KCNIP3: variants seen among roughly 807,000 people sequenced by gnomAD.
KCNIP3 encodes the protein potassium voltage-gated channel interacting protein 3, also known as calsenilin.
A neutral mutation model predicts 35.0 loss-of-function variants in KCNIP3; 28 were observed. The observed-to-expected ratio is 0.80, with a 90% CI of 0.59 to 1.10. The LOEUF is 1.10. KCNIP3 is among the 50% of genes least tolerant of loss of function. KCNIP3 has a pLI of 0.00. For missense variants in KCNIP3, 295 were observed against 338.4 expected (o/e 0.87, Z 1.01); for synonymous variants, 134 against 133.8 (o/e 1.00, Z -0.01).
intron 2 of KCNIP3, among the ~76,000 whole-genome samples, chr2:95,323,109 G>C (rs539862261): frequency 6.6e-6 from 1 of 152,340 alleles, no homozygotes; most frequent in Admixed American, 6.5e-5. Context: ...GGGTGAACAG[G>C]AACACTATGG....
chr2:95,338,359 C>T (rs141253297), intron 2 of KCNIP3, among the ~76,000 whole-genome samples: 23 of 152,280 alleles, frequency 1.5e-4, no homozygotes, highest in African/African-American at 4.8e-4. Flanking sequence ...GAAATCCAGA[C>T]GTTTAGCTTG....
intron 2 of KCNIP3, among the ~76,000 whole-genome samples, chr2:95,319,033 C>A (rs371078367): frequency 1.3e-5 from 2 of 152,238 alleles, no homozygotes; most frequent in Admixed American, 6.5e-5. Flanking sequence ...CCAATCTTGT[C>A]CCTGCCCTGT....
chr2:95,326,633 CTT>C (rs1378579314), intron 2 of KCNIP3, among the ~76,000 whole-genome samples: 1 of 152,240 alleles, frequency 6.6e-6, no homozygotes, highest in Non-Finnish European at 1.5e-5. Context: ...GCTCTTGACT[CTT>C]TTCCTTGTTC....
At chr2:95,326,623 G>A (rs1404253271) in intron 2 of KCNIP3, among the ~76,000 whole-genome samples, 1 of 152,214 alleles carries the variant, frequency 6.6e-6, no homozygotes, top group Non-Finnish European at 1.5e-5. Flanking sequence ...GGTGGGGGTT[G>A]CTCTTGACTC....
At chr2:95,345,055 C>T (rs1254349118) in intron 2 of KCNIP3, among the ~76,000 whole-genome samples, 4 of 152,242 alleles carry the variant, frequency 2.6e-5, no homozygotes, top group Non-Finnish European at 4.4e-5. Flanking sequence ...TGCCTTTGGT[C>T]AGTGGAGAAT....
At chr2:95,383,150 C>CCAA in intron 7 of KCNIP3, 82 bp from the exon 8 acceptor site, 1 of 1,099,152 alleles carries the variant, frequency 9.1e-7, no homozygotes, top group Non-Finnish European at 1.4e-6. Context: ...TCCACCCACC[C>CCAA]ATGACTTCTG....
chr2:95,301,283 A>G (rs963447092), intron 1 of KCNIP3, among the ~76,000 whole-genome samples: 71 of 152,242 alleles, frequency 4.7e-4, no homozygotes, highest in African/African-American at 1.7e-3. Context: ...GGCCACTGCC[A>G]GCAGTGCCCC....
rs78694431 is a variant in KCNIP3 at position 95,327,689 on chromosome 2, C to T, written c.181+17169C>T. 1.6e-3 allele frequency among the ~76,000 whole-genome samples: 240 copies of T among 152,306 alleles called. 1 individual carries two copies. The highest frequency in any genetic ancestry group is 7.3e-3 in the South Asian group (35 of 4,822). Reference sequence around the variant, plus strand: ...GTCTTCATGCTAATCCTGCAGGGGGCGTCACCATCGCCCCCATCTTCCAGG... The same window carrying T: ...GTCTTCATGCTAATCCTGCAGGGGGTGTCACCATCGCCCCCATCTTCCAGG... On this transcript the variant is annotated intron_variant, in intron 2 of 8. Transcript: ENST00000295225.
At chr2:95,318,441 G>C (rs1558761275) in intron 2 of KCNIP3, among the ~76,000 whole-genome samples, 1 of 152,238 alleles carries the variant, frequency 6.6e-6, no homozygotes, top group East Asian at 1.9e-4. Context: ...TACAGAAAGT[G>C]CTCAGTTAAT....
intron 1 of KCNIP3, among the ~76,000 whole-genome samples, chr2:95,300,808 C>T (rs1678007154): frequency 6.6e-6 from 1 of 152,240 alleles, no homozygotes; most frequent in South Asian, 2.1e-4. Flanking sequence ...GCGTGTCCCA[C>T]ACTAGAGTCG....
intron 2 of KCNIP3, chr2:95,368,737 G>A (rs1201238862): frequency 1.2e-5 from 3 of 246,194 alleles, no homozygotes; most frequent in African/African-American, 2.3e-5. Context: ...TCACCACTTT[G>A]TCTCCTTCCT....
In KCNIP3 at chr2:95,382,531, G is replaced by C. The variant is rs750428301; in HGVS notation, c.660+50G>C. On this transcript the variant is annotated intron_variant, in intron 7 of 8. Transcript: ENST00000295225. This position sits in a 1 kb window ranked among gnomAD's most constrained non-coding sequence, Gnocchi z 4.5. ...GGGAGGGGAGCCTGGCAGAGGAAGG[G>C]GCTCTCGCTTTTGGGGCCACCCCGG... The C allele has an allele frequency of 2.8e-6, 4 of 1,417,162 alleles. No individual in the cohort carries two copies. The African/African-American group carries it at 4.3e-5, about 15-fold the overall frequency. The allele number at this position is 1,417,162 out of a possible 1,614,324, so 87.8% of individuals were successfully genotyped here.
chr2:95,381,305 TCA>T (rs1680331749), intron 5 of KCNIP3, among the ~76,000 whole-genome samples: 1 of 151,714 alleles, frequency 6.6e-6, no homozygotes, highest in Admixed American at 6.6e-5. Flanking sequence ...GTGCACACCC[TCA>T]CAGGTTCACA....
chr2:95,318,295 G>A (rs1433179598), intron 2 of KCNIP3, among the ~76,000 whole-genome samples: 1 of 152,170 alleles, frequency 6.6e-6, no homozygotes, highest in African/African-American at 2.4e-5. Context: ...TCCTCCTCCT[G>A]TGCACACTGA....
intron 2 of KCNIP3, chr2:95,346,929 C>T: frequency 1.4e-6 from 1 of 716,844 alleles, no homozygotes; most frequent in Middle Eastern, 4.4e-4. Flanking sequence ...CCCGAGAGGC[C>T]GTGCGGGCTG....
At chr2:95,297,764 A>G (rs975632031) in intron 1 of KCNIP3, among the ~76,000 whole-genome samples, 3 of 152,092 alleles carry the variant, frequency 2.0e-5, no homozygotes, top group African/African-American at 4.8e-5. Flanking sequence ...AAAGCTGGAC[A>G]GAGGAGGAGC....
chr2:95,339,614 A>AATG (rs1432055713), intron 2 of KCNIP3, among the ~76,000 whole-genome samples: 2 of 151,928 alleles, frequency 1.3e-5, no homozygotes, highest in African/African-American at 4.8e-5. Flanking sequence ...TAATAATAAT[A>AATG]ATGAAGTCAG....
At chr2:95,339,928 G>A (rs1679151515) in intron 2 of KCNIP3, among the ~76,000 whole-genome samples, 1 of 152,212 alleles carries the variant, frequency 6.6e-6, no homozygotes, top group African/African-American at 2.4e-5. Flanking sequence ...CTGTGGCTGT[G>A]TTCTCCCCTA....
Position 95,384,181 on chromosome 2 carries a change from C to CAT in KCNIP3, c.*133_*134insTA. 1.5e-6 allele frequency: 1 copy of CAT among 648,272 alleles called. No individual in the cohort carries two copies. The highest frequency in any genetic ancestry group is 2.8e-6 in the Non-Finnish European group (1 of 359,336). 40.2% of individuals were successfully genotyped at this position (648,272 alleles called of 1,614,324 possible). A position where few individuals can be genotyped will look rare whatever the true frequency, so the allele number is the denominator to read the frequency against. ...GTGAACAGATTGCTACACACACACA[C>CAT]ACACACACACACACACACACACACA... On this transcript the variant is annotated 3_prime_UTR_variant, in exon 9 of 9. Coordinates refer to ENST00000295225, the MANE Select transcript of KCNIP3 (RefSeq NM_013434.5).
Sources: gnomAD v4.1 joint callset for allele counts (sites outside exome capture counted in the v4.1 genomes callset) on GRCh38, gnomAD v4.1.1 for gene constraint, Gnocchi (gnomAD v3.1) non-coding constraint, MANE v1.5 for transcripts, NCBI Gene and HGNC (gene_info 2026-07-23, HGNC 2026-07-21) for gene names.